VAMP7: variants seen among roughly 807,000 people sequenced by gnomAD.
The protein encoded by VAMP7 is vesicle-associated membrane protein 7.
In VAMP7, 14 loss-of-function variants were observed where a neutral mutation model predicts 29.6. That is an observed-to-expected ratio of 0.47 (90% confidence interval 0.31 to 0.74). VAMP7 has a LOEUF of 0.74. Among genes scored for constraint, VAMP7 ranks in the 30% least tolerant of loss-of-function variants. The pLI, the probability that VAMP7 is intolerant of heterozygous loss-of-function variation, is 0.05. For missense variants in VAMP7, 223 were observed against 262.4 expected, an observed-to-expected ratio of 0.85 and a Z score of 1.04; for synonymous variants, 95 against 88.1, an observed-to-expected ratio of 1.08 and a Z score of -0.44.
intron 6 of VAMP7, among the ~76,000 whole-genome samples, chrX:155,934,941 A>G (rs1201776441): frequency 6.6e-6 from 1 of 152,032 alleles, no homozygotes; most frequent in Admixed American, 6.5e-5. Context: ...AAAGGATTTT[A>G]TTTTTCCTTC....
At chrX:155,896,358 C>G (rs539006863) in intron 3 of VAMP7, among the ~76,000 whole-genome samples, 1 of 152,238 alleles carries the variant, frequency 6.6e-6, no homozygotes, top group East Asian at 1.9e-4. Context: ...TAGATAGCAT[C>G]ATTTCTTCTA....
At chrX:155,900,614 A>G (rs776192164) in intron 5 of VAMP7, 27 bp downstream of exon 5, 3 of 1,565,004 alleles carry the variant, frequency 1.9e-6, no homozygotes, top group Non-Finnish European at 2.6e-6. Context: ...AGTTTCATGC[A>G]TGTGGGCAAA....
chrX:155,939,562 T>C, intron 6 of VAMP7, 139 bp from the exon 7 acceptor site: 1 of 713,624 alleles, frequency 1.4e-6, no homozygotes, highest in Non-Finnish European at 2.6e-6. Flanking sequence ...CTATTGAGTA[T>C]GAATGGCCAG....
intron 6 of VAMP7, among the ~76,000 whole-genome samples, chrX:155,934,485 A>C (rs1449916278): frequency 1.3e-5 from 2 of 151,892 alleles, no homozygotes; most frequent in Non-Finnish European, 2.9e-5. Flanking sequence ...GATCCTTGCT[A>C]GTTTAAAGTC....
At chrX:155,928,653 A>G (rs1172132794) in intron 6 of VAMP7, among the ~76,000 whole-genome samples, 2 of 152,178 alleles carry the variant, frequency 1.3e-5, no homozygotes, top group Admixed American at 1.3e-4. Context: ...CTTCATCTCA[A>G]GATTCTTGAC....
intron 5 of VAMP7, among the ~76,000 whole-genome samples, chrX:155,918,295 C>CT (rs1010272490): frequency 0.033 from 2 of 60 alleles, no homozygotes; most frequent in African/African-American, 0.2. Context: ...CTGGCTTCAG[C>CT]CCCTTTCCAG....
At position 155,942,081 on chromosome X, in the gene VAMP7, A is replaced by G. The variant is rs764800652; in HGVS notation, c.*130A>G. 1.9e-6 allele frequency: 3 copies of G among 1,568,432 alleles called. No homozygotes were observed. The South Asian group carries it at 3.5e-5, about 18-fold the overall frequency. ...TCTTCAACCCTCTTCTCACTTTTTA[A>G]AATCTTGTTCCATGCCTCCAGGTTT... On this transcript the variant is annotated 3_prime_UTR_variant, in exon 8 of 8. Transcript: ENST00000286448.
chrX:155,935,827 G>A (rs1359443441), intron 6 of VAMP7, among the ~76,000 whole-genome samples: 3 of 151,966 alleles, frequency 2.0e-5, no homozygotes, highest in Admixed American at 1.3e-4. Context: ...CTATCTTTGT[G>A]GTTTTATCTA....
chrX:155,921,281 G>A (rs938909555), intron 6 of VAMP7, among the ~76,000 whole-genome samples: 2 of 149,504 alleles, frequency 1.3e-5, no homozygotes, highest in African/African-American at 5.0e-5. Context: ...TGTATCAAGT[G>A]TACAACTTTT....
At chrX:155,909,791 C>T (rs1305129842) in intron 5 of VAMP7, among the ~76,000 whole-genome samples, 1 of 152,162 alleles carries the variant, frequency 6.6e-6, no homozygotes, top group African/African-American at 2.4e-5. Context: ...GAAAAGAGAG[C>T]TAGCTGTCTA....
intron 5 of VAMP7, among the ~76,000 whole-genome samples, chrX:155,916,774 TG>T (rs1465478684): frequency 5.3e-5 from 8 of 152,188 alleles, no homozygotes; most frequent in African/African-American, 1.9e-4. Flanking sequence ...CCTTTCTCTC[TG>T]GCTGCCCTTA....
chrX:155,903,006 T>C (rs1022787760), intron 5 of VAMP7, among the ~76,000 whole-genome samples: 3 of 151,898 alleles, frequency 2.0e-5, no homozygotes, highest in Non-Finnish European at 2.9e-5. Flanking sequence ...TCCTGGACTC[T>C]TTTCGGTTGG....
At chrX:155,928,539 C>T (rs1029736125) in intron 6 of VAMP7, among the ~76,000 whole-genome samples, 4 of 152,270 alleles carry the variant, frequency 2.6e-5, no homozygotes, top group African/African-American at 7.2e-5. Context: ...TCCATGTTCA[C>T]ATTACCTTCT....
At position 155,894,750 on chromosome X, in the gene VAMP7, G is replaced by A. The variant is rs374960140; in HGVS notation, c.147-873G>A. Among the ~76,000 whole-genome samples the A allele has an allele frequency of 3.3e-3, 500 of 151,984 alleles. 1 individual carries two copies. Among genetic ancestry groups the A allele is most frequent in the African/African-American group, 0.011 (475 of 41,462 alleles). On this transcript the variant is annotated intron_variant, in intron 2 of 7. Transcript: ENST00000286448. ...CCTGCCTCAGCCTCCCAAGTAGCTGGGACTATAGGCGTGTGCCACCACACC... is the reference window on the plus strand; with the variant it reads ...CCTGCCTCAGCCTCCCAAGTAGCTGAGACTATAGGCGTGTGCCACCACACC...
At chrX:155,889,711 A>C (rs982386209) in intron 2 of VAMP7, 99 bp downstream of exon 2, 15 of 1,347,536 alleles carry the variant, frequency 1.1e-5, no homozygotes, top group Non-Finnish European at 1.4e-5. Context: ...TAGGTACATA[A>C]TTTGAATAAG....
chrX:155,882,185 G>A (rs1569428833), intron 1 of VAMP7, among the ~76,000 whole-genome samples: 1 of 152,162 alleles, frequency 6.6e-6, no homozygotes, highest in Non-Finnish European at 1.5e-5. Context: ...ACCTGTGGCT[G>A]AGAGCAGATC....
chrX:155,925,571 C>T (rs977364060), intron 6 of VAMP7, among the ~76,000 whole-genome samples: 1 of 152,260 alleles, frequency 6.6e-6, no homozygotes, highest in Middle Eastern at 3.4e-3. Context: ...TCTAGGGAGA[C>T]GTGAGACATC....
intron 4 of VAMP7, among the ~76,000 whole-genome samples, chrX:155,899,973 A>G (rs1285395471): frequency 1.3e-5 from 2 of 152,052 alleles, no homozygotes; most frequent in African/African-American, 4.8e-5. Context: ...TTCAAACTAT[A>G]TATTATCAGT....
chrX:155,929,132 G>A (rs1431045539), intron 6 of VAMP7, among the ~76,000 whole-genome samples: 1 of 152,132 alleles, frequency 6.6e-6, no homozygotes, highest in African/African-American at 2.4e-5. Context: ...GCATTTCAGT[G>A]CATGAAGAAT....
Sources: allele counts gnomAD v4.1 joint callset (sites outside exome capture counted in the v4.1 genomes callset), GRCh38; gene constraint gnomAD v4.1.1; transcripts MANE v1.5; gene names NCBI Gene and HGNC (gene_info 2026-07-23, HGNC 2026-07-21).